RBFOX1: variants seen among roughly 807,000 people sequenced by gnomAD.
RBFOX1 encodes the protein RNA binding protein fox-1 homolog 1.
RBFOX1 carries 8 observed loss-of-function variants against 57.7 expected under a neutral mutation model. The observed-to-expected ratio is 0.14, with a 90% CI of 0.08 to 0.25. The LOEUF (loss-of-function observed/expected upper bound fraction) is 0.25. Ranked by LOEUF, RBFOX1 falls within the 10% of genes least tolerant of loss-of-function variation. RBFOX1 has a pLI of 1.00. For synonymous variants in RBFOX1, 326 were observed against 222.4 expected (o/e 1.47, Z -4.15); for missense variants, 611 against 548.5 (o/e 1.11, Z -1.14).
chr16:5,304,840 T>TC (rs200026884), intron 1 of RBFOX1, among the ~76,000 whole-genome samples: 242 of 151,612 alleles, frequency 1.6e-3, no homozygotes, highest in South Asian at 4.4e-3. Flanking sequence ...GTGATTTTTT[T>TC]CCCCCAAAAC....
intron 4 of RBFOX1, among the ~76,000 whole-genome samples, chr16:5,956,822 A>G (rs930827436): frequency 1.3e-5 from 2 of 149,426 alleles, no homozygotes; most frequent in Admixed American, 6.7e-5. Flanking sequence ...AGCATGCACC[A>G]CCATGCCTGG....
chr16:6,585,662 C>G (rs2097599961), intron 2 of RBFOX1, among the ~76,000 whole-genome samples: 1 of 152,146 alleles, frequency 6.6e-6, no homozygotes, highest in African/African-American at 2.4e-5. Context: ...AAGAATAATG[C>G]AGTAAGCAAT....
chr16:6,485,354 CTT>C (rs34382282), intron 2 of RBFOX1, among the ~76,000 whole-genome samples: 14,510 of 152,130 alleles, frequency 0.095, 881 homozygotes, highest in African/African-American at 0.16. Context: ...TCTTACCCCT[CTT>C]CTCTTCTCTC....
At chr16:5,981,828 G>A (rs1022923320) in intron 4 of RBFOX1, among the ~76,000 whole-genome samples, 1 of 152,184 alleles carries the variant, frequency 6.6e-6, no homozygotes, top group Admixed American at 6.5e-5. Flanking sequence ...GTTTGACAAT[G>A]TGCATGGGAT....
At chr16:5,876,500 G>C (rs140708898) in intron 4 of RBFOX1, among the ~76,000 whole-genome samples, 238 of 152,192 alleles carry the variant, frequency 1.6e-3, no homozygotes, top group African/African-American at 5.3e-3. Context: ...AGAGGCAAAG[G>C]CTCAGTCTTT....
chr16:6,410,743 G>A (rs780305144), intron 2 of RBFOX1, among the ~76,000 whole-genome samples: 1 of 152,190 alleles, frequency 6.6e-6, no homozygotes, highest in African/African-American at 2.4e-5. Flanking sequence ...AACTTCTAGT[G>A]CATTTGGCCA....
At chr16:6,734,781 C>G (rs12445428) in intron 3 of RBFOX1, among the ~76,000 whole-genome samples, 117,234 of 152,054 alleles carry the variant, frequency 0.77, 46,463 homozygotes, top group East Asian at 1. Context: ...ATAAGTTGTA[C>G]TTAAGATTTG....
intron 3 of RBFOX1, among the ~76,000 whole-genome samples, chr16:6,702,414 C>T (rs1281806995): frequency 2.0e-5 from 3 of 152,222 alleles, no homozygotes; most frequent in Admixed American, 6.5e-5. Context: ...ATCTGCCTGG[C>T]GTGCTGGCAT....
intron 4 of RBFOX1, among the ~76,000 whole-genome samples, chr16:7,147,336 T>C (rs931790242): frequency 1.3e-5 from 2 of 148,872 alleles, no homozygotes; most frequent in African/African-American, 4.9e-5. Context: ...ACTTTTATTT[T>C]AGGTTTGAGT....
intron 2 of RBFOX1, among the ~76,000 whole-genome samples, chr16:6,623,817 G>A (rs935500975): frequency 3.9e-5 from 6 of 152,098 alleles, no homozygotes; most frequent in African/African-American, 1.2e-4. Context: ...GTGTATATGT[G>A]CCACATTTTC....
chr16:7,505,786 G>T (rs544244745), intron 4 of RBFOX1, among the ~76,000 whole-genome samples: 12 of 152,192 alleles, frequency 7.9e-5, no homozygotes, highest in South Asian at 6.2e-4. Flanking sequence ...AGTGAAATGA[G>T]ACAAGTAGCT....
At chr16:7,641,752 G>C (rs1235033051) in intron 11 of RBFOX1, among the ~76,000 whole-genome samples, 1 of 152,182 alleles carries the variant, frequency 6.6e-6, no homozygotes, top group East Asian at 1.9e-4. Context: ...ATTCAGGAAA[G>C]TCTGGGAGTA....
At chr16:5,557,436 C>T (rs1365233251) in intron 2 of RBFOX1, among the ~76,000 whole-genome samples, 7 of 151,856 alleles carry the variant, frequency 4.6e-5, no homozygotes, top group Admixed American at 4.6e-4. Context: ...AGATAATAAA[C>T]AGGGTAACAA....
chr16:5,709,753 C>T (rs1345997091), intron 3 of RBFOX1, among the ~76,000 whole-genome samples: 37 of 132,172 alleles, frequency 2.8e-4, no homozygotes, highest in African/African-American at 8.5e-4. Context: ...GATCTTTACA[C>T]CAATATCTCC....
intron 2 of RBFOX1, among the ~76,000 whole-genome samples, chr16:6,322,709 C>T (rs1196982113): frequency 6.6e-6 from 1 of 152,128 alleles, no homozygotes; most frequent in Non-Finnish European, 1.5e-5. Flanking sequence ...ACACAGTTCT[C>T]TCACATGCAA....
chr16:6,962,789 C>G (rs894936792), intron 3 of RBFOX1, among the ~76,000 whole-genome samples: 1 of 151,990 alleles, frequency 6.6e-6, no homozygotes, highest in African/African-American at 2.4e-5. Context: ...CACTTGAGCC[C>G]AGGAGATGGA....
intron 1 of RBFOX1, among the ~76,000 whole-genome samples, chr16:6,098,794 A>T (rs1379973931): frequency 6.6e-6 from 1 of 152,172 alleles, no homozygotes; most frequent in East Asian, 1.9e-4. Context: ...ACTCTGAGAC[A>T]CACCCATCCC....
At chr16:6,375,931 G>T (rs2091117092) in intron 2 of RBFOX1, among the ~76,000 whole-genome samples, 1 of 152,146 alleles carries the variant, frequency 6.6e-6, no homozygotes, top group Admixed American at 6.5e-5. Context: ...GGGATCAGCA[G>T]GGGTGCCAGT....
intron 4 of RBFOX1, among the ~76,000 whole-genome samples, chr16:7,342,155 T>C (rs1031285201): frequency 6.6e-6 from 1 of 152,186 alleles, no homozygotes; most frequent in African/African-American, 2.4e-5. Context: ...TGGCCATTAC[T>C]CTCTCTGTGT....
Sources: gnomAD v4.1 joint callset for allele counts (sites outside exome capture counted in the v4.1 genomes callset) on GRCh38, gnomAD v4.1.1 for gene constraint, MANE v1.5 for transcripts, NCBI Gene and HGNC (gene_info 2026-07-23, HGNC 2026-07-21) for gene names.